ATP2B3: variants seen among roughly 807,000 people sequenced by gnomAD.
The protein encoded by ATP2B3 is plasma membrane calcium-transporting ATPase 3.
ATP2B3 carries 12 observed loss-of-function variants against 70.8 expected under a neutral mutation model. The ratio of observed to expected loss-of-function variants is 0.17; its 90% CI spans 0.11 to 0.27. The LOEUF is 0.27. ATP2B3 is among the 10% of genes least tolerant of loss of function. The pLI, the probability that ATP2B3 is intolerant of heterozygous loss-of-function variation, is 1.00. For synonymous variants in ATP2B3, 460 were observed against 497.8 expected, an observed-to-expected ratio of 0.92 and a Z score of 1.01; for missense variants, 858 against 1,118.5, an observed-to-expected ratio of 0.77 and a Z score of 3.32.
At chrX:153,574,245 C>T (rs1205358389) in intron 21 of ATP2B3, among the ~76,000 whole-genome samples, 2 of 112,439 alleles carry the variant, frequency 1.8e-5, no homozygotes, top group African/African-American at 6.5e-5. Context: ...TTCACGCCTA[C>T]AGGGGTTGTT....
chrX:153,555,045 C>T (rs782115396), intron 13 of ATP2B3, among the ~76,000 whole-genome samples: 1 of 112,365 alleles, frequency 8.9e-6, no homozygotes, highest in African/African-American at 3.2e-5. Flanking sequence ...GAATTGTCTT[C>T]TTGTGGCTCG....
intron 21 of ATP2B3, among the ~76,000 whole-genome samples, chrX:153,578,695 G>A (rs1557021898): frequency 8.9e-6 from 1 of 112,587 alleles, no homozygotes; most frequent in African/African-American, 3.2e-5. Flanking sequence ...TCTTTCATGC[G>A]GGAAGTTCCG....
chrX:153,566,473 T>G (rs1320676919), intron 21 of ATP2B3, among the ~76,000 whole-genome samples: 1 of 112,255 alleles, frequency 8.9e-6, no homozygotes, highest in Non-Finnish European at 1.9e-5. Context: ...ACAAAGCTGT[T>G]CTTGGTGCCC....
At chrX:153,530,376 G>A (rs1281932927) in intron 2 of ATP2B3, among the ~76,000 whole-genome samples, 1 of 110,756 alleles carries the variant, frequency 9.0e-6, no homozygotes. Flanking sequence ...ATGGGCTGCC[G>A]TAGATTAGAG....
chrX:153,531,468 G>C (rs111798720), intron 2 of ATP2B3, among the ~76,000 whole-genome samples: 124 of 113,386 alleles, frequency 1.1e-3, no homozygotes, highest in African/African-American at 3.9e-3. Flanking sequence ...CTGAGTGATG[G>C]GCCCTTCTGA....
intron 21 of ATP2B3, among the ~76,000 whole-genome samples, chrX:153,578,029 C>T (rs1453500458): frequency 1.8e-5 from 2 of 111,570 alleles, no homozygotes; most frequent in Admixed American, 9.4e-5. Flanking sequence ...AGAAAGTCAC[C>T]GAAAAAAGGT....
chrX:153,564,366 C>T (rs1384228351), intron 20 of ATP2B3, among the ~76,000 whole-genome samples: 3 of 112,972 alleles, frequency 2.7e-5, no homozygotes, highest in Admixed American at 9.2e-5. Flanking sequence ...GCTGTGGTCA[C>T]GTGGCTGGCC....
chrX:153,549,416 C>T (rs1289029509), intron 10 of ATP2B3, 81 bp from the exon 11 acceptor site: 3 of 1,189,320 alleles, frequency 2.5e-6, no homozygotes, highest in Non-Finnish European at 3.4e-6. Flanking sequence ...AACAGAGTCA[C>T]GCGATGTTTG....
chrX:153,546,187 G>A, intron 8 of ATP2B3, 58 bp downstream of exon 8: 1 of 1,182,756 alleles, frequency 8.5e-7, no homozygotes, highest in South Asian at 1.8e-5. Context: ...TGGGGCTGGT[G>A]GAGGGCACAG....
chrX:153,530,940 C>T (rs782637544), intron 2 of ATP2B3, among the ~76,000 whole-genome samples: 2 of 112,416 alleles, frequency 1.8e-5, no homozygotes, highest in African/African-American at 3.2e-5. Flanking sequence ...GCTGCAGCGA[C>T]GGTGCCTCTG....
At chrX:153,566,562 G>A (rs2090710137) in intron 21 of ATP2B3, among the ~76,000 whole-genome samples, 1 of 111,426 alleles carries the variant, frequency 9.0e-6, no homozygotes, top group South Asian at 3.8e-4. Context: ...CACTCCCTGG[G>A]CCTCAGCCTC....
At chrX:153,519,435 C>T (rs2089923735) in intron 2 of ATP2B3, among the ~76,000 whole-genome samples, 1 of 112,046 alleles carries the variant, frequency 8.9e-6, no homozygotes. Context: ...CTCAACCACA[C>T]GAGTGAATGG....
Position 153,541,825 on chromosome X carries a change from G to T in ATP2B3, c.563G>T (p.Arg188Leu). 1.7e-6 allele frequency: 2 copies of T among 1,211,614 alleles called. No homozygotes were observed. The highest frequency in any genetic ancestry group is 2.2e-6 in the Non-Finnish European group (2 of 895,533). The change falls in exon 5 of 22, where the codon CGA (arginine) becomes CTA (leucine). Residue 188 changes from arginine (R) to leucine (L), a missense_variant. Physicochemically the swap from Arg to Leu is moderately radical, Grantham distance 102. Around this residue, in one of 5 missense-constraint regions of ATP2B3, gnomAD observed 278 missense variants for 366.2 expected, o/e 0.76. Transcript: ENST00000263519. ...KEKQFRGLQS[R>L]IEQEQKFTVI... is the part of the protein sequence containing the mutation. ...AAGCAGTTCCGAGGCCTGCAGAGCC[G>T]AATTGAGCAGGAGCAGAAGTTCACG...
intron 2 of ATP2B3, among the ~76,000 whole-genome samples, chrX:153,521,238 C>T (rs1475914802): frequency 8.8e-6 from 1 of 113,440 alleles, no homozygotes; most frequent in Admixed American, 9.2e-5. Flanking sequence ...GGCCAAGCAG[C>T]GCCTGGCTGG....
chrX:153,543,805 G>C (rs940797652), intron 7 of ATP2B3, among the ~76,000 whole-genome samples: 6 of 113,182 alleles, frequency 5.3e-5, no homozygotes, highest in Non-Finnish European at 7.5e-5. Flanking sequence ...CTTCTGGCTG[G>C]GCAGCCTTGC....
At chrX:153,559,706 A>G (rs1557015337) in intron 17 of ATP2B3, 23 bp from the exon 18 acceptor site, 2 of 1,197,804 alleles carry the variant, frequency 1.7e-6, no homozygotes, top group African/African-American at 3.5e-5. Context: ...GCCCATGGAA[A>G]GGTGACTGCC....
rs2090838683 is a variant in ATP2B3 at position 153,575,068 on chromosome X, G to A, written c.3343-4910G>A. 1.3e-5 allele frequency: 3 copies of A among 225,209 alleles called. No homozygotes were observed. The South Asian group carries it at 1.5e-4, about 11-fold the overall frequency. The allele number at this position is 225,209 out of a possible 1,213,427, so 18.6% of individuals were successfully genotyped here. On this transcript the variant is annotated intron_variant, in intron 21 of 21. Coordinates refer to ENST00000263519, the MANE Select transcript of ATP2B3 (RefSeq NM_001001344.3). ...ACTTGAGCTAAGTTCAGAGGAAGGAGAAAGGCCAGCCAGGCAGCAGAAAGG... is the reference window on the plus strand; with the variant it reads ...ACTTGAGCTAAGTTCAGAGGAAGGAAAAAGGCCAGCCAGGCAGCAGAAAGG...
At chrX:153,519,145 G>A (rs2124280763) in intron 2 of ATP2B3, among the ~76,000 whole-genome samples, 1 of 112,266 alleles carries the variant, frequency 8.9e-6, no homozygotes, top group South Asian at 3.7e-4. Context: ...GCACAGAGTG[G>A]GCACCTGGTT....
At chrX:153,526,620 T>G (rs1324810899) in intron 2 of ATP2B3, among the ~76,000 whole-genome samples, 3 of 112,270 alleles carry the variant, frequency 2.7e-5, no homozygotes, top group Non-Finnish European at 3.8e-5. Flanking sequence ...TCCTGCAGCC[T>G]CGGCTGCAGC....
Sources: gnomAD v4.1 joint callset for allele counts (sites outside exome capture counted in the v4.1 genomes callset) on GRCh38, gnomAD v4.1.1 for gene constraint, gnomAD v4.1.1 regional missense constraint, MANE v1.5 for transcripts, NCBI Gene and HGNC (gene_info 2026-07-23, HGNC 2026-07-21) for gene names.